IL17B: variants seen among roughly 807,000 people sequenced by gnomAD.
IL17B encodes interleukin 17B, also known as interleukin-17B.
In IL17B, 14 loss-of-function variants were observed where a neutral mutation model predicts 14.7. That is an observed-to-expected ratio of 0.95 (90% CI 0.63 to 1.49). IL17B has a LOEUF of 1.49. Among genes scored for constraint, IL17B ranks in the 40% most tolerant of loss-of-function variants. The probability of loss-of-function intolerance (pLI) is 0.00; values close to 1 mark genes in which losing one functional copy is unlikely to be tolerated. For synonymous variants in IL17B, 105 were observed against 94.8 expected, an observed-to-expected ratio of 1.11 and a Z score of -0.62; for missense variants, 233 against 252.8, an observed-to-expected ratio of 0.92 and a Z score of 0.53.
At chr5:149,377,152 A>G (rs1198841130) in intron 1 of IL17B, 127 bp from the exon 2 acceptor site, 8 of 712,820 alleles carry the variant, frequency 1.1e-5, no homozygotes, top group Admixed American at 3.2e-5. Flanking sequence ...TCTGCCTACC[A>G]TCCCCCAGCT....
chr5:149,385,880 G>A (rs1311550996), intron 1 of IL17B, among the ~76,000 whole-genome samples: 1 of 152,184 alleles, frequency 6.6e-6, no homozygotes, highest in Admixed American at 6.5e-5. Context: ...GCCGCTCCTG[G>A]CAGAGGAAGA....
intron 2 of IL17B, among the ~76,000 whole-genome samples, chr5:149,376,181 C>G (rs907113906): frequency 1.3e-5 from 2 of 152,210 alleles, no homozygotes; most frequent in Non-Finnish European, 2.9e-5. Context: ...CTGCTGCCAT[C>G]GTTATCCAGG....
chr5:149,393,879 G>A (rs566467263), intron 1 of IL17B, among the ~76,000 whole-genome samples: 1 of 152,300 alleles, frequency 6.6e-6, no homozygotes, highest in East Asian at 1.9e-4. Flanking sequence ...AAAGAGTGTT[G>A]AGGAATGTAG....
At chr5:149,377,882 A>G (rs1051517155) in intron 1 of IL17B, among the ~76,000 whole-genome samples, 12 of 152,090 alleles carry the variant, frequency 7.9e-5, no homozygotes, top group Admixed American at 5.9e-4. Flanking sequence ...GGTGGCTCAC[A>G]CCTGTAATGC....
At chr5:149,380,505 C>G (rs991024960), upstream of IL17B, among the ~76,000 whole-genome samples, 8 of 152,160 alleles carry the variant, frequency 5.3e-5, no homozygotes, top group Non-Finnish European at 2.9e-5. Flanking sequence ...CTCCAAGATT[C>G]AGGCCACAAG....
chr5:149,390,226 C>G (rs189132310), intron 1 of IL17B, among the ~76,000 whole-genome samples: 4 of 148,596 alleles, frequency 2.7e-5, no homozygotes, highest in South Asian at 2.1e-4. Flanking sequence ...GACCCCCCCC[C>G]TCCCTGTCCC....
intron 1 of IL17B, among the ~76,000 whole-genome samples, chr5:149,399,220 C>G (rs1377304391): frequency 6.6e-6 from 1 of 152,192 alleles, no homozygotes; most frequent in African/African-American, 2.4e-5. Flanking sequence ...TTCCAGGGCC[C>G]TGCCCGGGTG....
In IL17B at chr5:149,402,414, G is replaced by A. The variant is rs547583299; in HGVS notation, n.95+1694C>T. On this transcript the variant is annotated intron_variant and non_coding_transcript_variant, in intron 1 of 2. Coordinates refer to the IL17B transcript ENST00000505432. ...CTTCCCATAACCATTCTTCCCTGGC[G>A]ATCAACATAAAAGGTGTGTTACATC... 5.9e-5 allele frequency among the ~76,000 whole-genome samples: 9 copies of A among 152,104 alleles called. No individual in the cohort carries two copies. The South Asian group carries it at 8.3e-4, about 14-fold the overall frequency.
chr5:149,382,924 C>T (rs1341203007), upstream of IL17B, among the ~76,000 whole-genome samples: 1 of 152,184 alleles, frequency 6.6e-6, no homozygotes, highest in Admixed American at 6.5e-5. Flanking sequence ...GACTATAATA[C>T]AGGGAGGCCA....
upstream of IL17B, chr5:149,379,326 TC>T: frequency 7.1e-7 from 1 of 1,410,548 alleles, no homozygotes; most frequent in Non-Finnish European, 9.9e-7. Context: ...CAATTATAGC[TC>T]AACTGGGGGC....
chr5:149,375,218 T>C (rs79606543), intron 2 of IL17B: 1,949 of 152,344 alleles, frequency 0.013, 13 homozygotes, highest in Non-Finnish European at 0.019. Flanking sequence ...AGCAGTTCTG[T>C]CCTAGATTTT....
chr5:149,393,672 C>CCCTT (rs1306054557), intron 1 of IL17B, among the ~76,000 whole-genome samples: 1 of 152,262 alleles, frequency 6.6e-6, no homozygotes, highest in Non-Finnish European at 1.5e-5. Flanking sequence ...CTCTCTTCCT[C>CCCTT]CCTTCCTTCC....
chr5:149,397,028 A>G (rs1387924063), intron 1 of IL17B, among the ~76,000 whole-genome samples: 2 of 152,154 alleles, frequency 1.3e-5, no homozygotes, highest in Non-Finnish European at 2.9e-5. Context: ...TTGATATTTG[A>G]AATACTCTCT....
In IL17B at chr5:149,376,743, C is replaced by A. The variant is rs1758551762; in HGVS notation, c.304G>T (p.Gly102Cys). Residue 102 changes from glycine (G) to cysteine (C), a missense_variant, in exon 2 of 3, where the codon GGC becomes TGC. Coordinates refer to ENST00000261796, the MANE Select transcript of IL17B (RefSeq NM_014443.3). Reference protein sequence around the residue: ...MSNKRSLSPWGYSINHDPSRI... With the variant: ...MSNKRSLSPWCYSINHDPSRI... ...CACCACTGCCCAGCCTACCTGTAGC[C>A]CCAGGGAGACAGGCTCCTCTTGTTG... is the stretch of plus-strand genomic sequence containing the variant. 1.2e-6 allele frequency: 2 copies of A among 1,606,556 alleles called. No homozygotes were observed. The highest frequency in any genetic ancestry group is 1.7e-6 in the Non-Finnish European group (2 of 1,176,068).
chr5:149,389,197 A>C (rs753509525), intron 1 of IL17B, among the ~76,000 whole-genome samples: 44 of 152,204 alleles, frequency 2.9e-4, no homozygotes, highest in Non-Finnish European at 6.0e-4. Flanking sequence ...TGTCAATGTC[A>C]TATTATTTTT....
chr5:149,382,568 CTG>C (rs1467721620), upstream of IL17B, among the ~76,000 whole-genome samples: 2 of 152,238 alleles, frequency 1.3e-5, no homozygotes, highest in Non-Finnish European at 2.9e-5. Context: ...GATGGGGAAA[CTG>C]AGGCTCAGCG....
intron 1 of IL17B, among the ~76,000 whole-genome samples, chr5:149,388,734 C>A (rs751688701): frequency 6.6e-6 from 1 of 152,180 alleles, no homozygotes; most frequent in East Asian, 1.9e-4. Flanking sequence ...GGGCATGCTG[C>A]GCTTATCAGA....
chr5:149,379,310 G>A (rs1581385845), upstream of IL17B: 13 of 1,545,346 alleles, frequency 8.4e-6, no homozygotes, highest in South Asian at 1.4e-4. Context: ...ACAGGATGGA[G>A]CGAAGCAATT....
At chr5:149,401,013 A>C (rs387936) in intron 1 of IL17B, among the ~76,000 whole-genome samples, 103,545 of 152,154 alleles carry the variant, frequency 0.68, 35,998 homozygotes, top group African/African-American at 0.74. Context: ...CCAGAAACAC[A>C]CCAACAGACA....
Sources: gnomAD v4.1 joint callset for allele counts (sites outside exome capture counted in the v4.1 genomes callset) on GRCh38, gnomAD v4.1.1 for gene constraint, MANE v1.5 for transcripts, NCBI Gene and HGNC (gene_info 2026-07-23, HGNC 2026-07-21) for gene names.